MTMR3: variants seen among roughly 807,000 people sequenced by gnomAD.
MTMR3 encodes phosphatidylinositol-3,5-bisphosphate 3-phosphatase MTMR3.
Under a neutral mutation model 132.4 loss-of-function variants are expected in MTMR3, and 32 were observed. The ratio of observed to expected loss-of-function variants is 0.24; its 90% CI spans 0.18 to 0.32. MTMR3 has a LOEUF of 0.32. Ranked by LOEUF, MTMR3 falls within the 10% of genes least tolerant of loss-of-function variation. The pLI is 1.00. For synonymous variants in MTMR3, 556 were observed against 550.3 expected (o/e 1.01, Z -0.14); for missense variants, 1,216 against 1,489.6 (o/e 0.82, Z 3.02).
At chr22:30,003,081 A>G in intron 9 of MTMR3, 88 bp downstream of exon 9, 4 of 1,042,906 alleles carry the variant, frequency 3.8e-6, no homozygotes, top group Non-Finnish European at 5.9e-6. Flanking sequence ...TAACCTGGGA[A>G]GGGTGGGGAG....
chr22:29,952,539 G>A (rs1016603759), intron 1 of MTMR3, among the ~76,000 whole-genome samples: 11 of 152,018 alleles, frequency 7.2e-5, no homozygotes, highest in Non-Finnish European at 1.2e-4. Flanking sequence ...CACTAGGAGC[G>A]TTGAGCCCTG....
At chr22:30,025,200 G>A (rs1440095775) in intron 19 of MTMR3, 1 of 169,076 alleles carries the variant, frequency 5.9e-6, no homozygotes, top group Admixed American at 5.7e-5. Flanking sequence ...ACTCCCCAGT[G>A]AGGCTGGGTA....
chr22:29,987,989 T>C (rs925671833), intron 5 of MTMR3: 1 of 152,690 alleles, frequency 6.5e-6, no homozygotes, highest in Non-Finnish European at 1.5e-5. Context: ...CTAGTCTTTT[T>C]CAGGAGCCTC....
intron 9 of MTMR3, 23 bp from the exon 10 acceptor site, chr22:30,007,091 G>T (rs781698550): frequency 1.4e-5 from 23 of 1,611,902 alleles, no homozygotes; most frequent in Non-Finnish European, 2.0e-5. Context: ...GGGTACAGTT[G>T]TTGTCTCTTG....
At position 29,991,559 on chromosome 22, in the gene MTMR3, G is replaced by C. The variant is rs755138094; in HGVS notation, c.349G>C (p.Ala117Pro). ...AGAGTGGCTGAAGAGACTGAACAAC[G>C]CAATCCGACCACCTGCTAAAATAGA... ...CQEWLKRLNN[A>P]IRPPAKIEDL... Residue 117 changes from alanine (A) to proline (P), a missense_variant, in exon 7 of 20, where the codon GCA becomes CCA. Physicochemically the swap from Ala to Pro is conservative, Grantham distance 27. Coordinates refer to ENST00000401950, the MANE Select transcript of MTMR3 (RefSeq NM_021090.4). 39 of 1,613,846 alleles carry C rather than the reference G, an allele frequency of 2.4e-5. No individual in the cohort carries two copies. The highest frequency in any genetic ancestry group is 3.2e-5 in the Non-Finnish European group (38 of 1,179,964).
intron 14 of MTMR3, 104 bp from the exon 15 acceptor site, chr22:30,016,424 T>G: frequency 1.5e-6 from 2 of 1,313,130 alleles, no homozygotes; most frequent in Non-Finnish European, 2.1e-6. Context: ...ACAGAGTAAA[T>G]TGAAGTGTTC....
intron 7 of MTMR3, chr22:29,998,374 G>A (rs2067103933): frequency 6.5e-6 from 1 of 153,006 alleles, no homozygotes; most frequent in Non-Finnish European, 1.5e-5. Flanking sequence ...TGGGCGCAGT[G>A]GCTCACGCCT....
intron 1 of MTMR3, among the ~76,000 whole-genome samples, chr22:29,941,093 A>G (rs2065849025): frequency 6.7e-6 from 1 of 149,780 alleles, no homozygotes; most frequent in Non-Finnish European, 1.5e-5. Context: ...CCCTAATCCA[A>G]ACTACTATTC....
At position 30,007,918 on chromosome 22, in the gene MTMR3, G is replaced by A; in HGVS notation, c.895G>A (p.Ala299Thr). 6.2e-7 allele frequency: 1 copy of A among 1,613,654 alleles called. No individual in the cohort carries two copies. Among genetic ancestry groups the A allele is most frequent in the Non-Finnish European group, 8.5e-7 (1 of 1,179,970 alleles). ...GTCCCTAGATTCTTCTCTGTCAAAT[G>A]CTTCAGGAGCAGAGAGTTTAGCCAT... is the stretch of plus-strand genomic sequence containing the variant. The part of the protein sequence containing the change: ...DVEFDSSLSN[A>T]SGAESLAIQP... Residue 299 changes from alanine to threonine, a missense_variant, in exon 11 of 20, where the codon GCT becomes ACT. Physicochemically the swap from Ala to Thr is moderately conservative, Grantham distance 58. Around this residue, in one of 7 missense-constraint regions of MTMR3, gnomAD observed 47 missense variants for 46.8 expected, o/e 1.00. Transcript: ENST00000401950.
chr22:29,919,330 G>C (rs139159138), intron 1 of MTMR3, among the ~76,000 whole-genome samples: 4 of 152,118 alleles, frequency 2.6e-5, no homozygotes, highest in African/African-American at 7.2e-5. Flanking sequence ...GTCTTACCAT[G>C]GATTTCTCAC....
chr22:29,976,119 TG>T (rs1233258168), intron 3 of MTMR3, among the ~76,000 whole-genome samples: 2 of 117,804 alleles, frequency 1.7e-5, no homozygotes, highest in Non-Finnish European at 3.8e-5. Context: ...TTATAGTGTG[TG>T]TTTTTTTTTT....
intron 4 of MTMR3, 149 bp from the exon 5 acceptor site, chr22:29,978,787 A>C: frequency 1.5e-6 from 1 of 674,638 alleles, no homozygotes; most frequent in Non-Finnish European, 2.6e-6. Context: ...GTGGGTATAA[A>C]CCCATCCTCT....
intron 1 of MTMR3, among the ~76,000 whole-genome samples, chr22:29,928,322 C>T (rs1290721367): frequency 6.6e-6 from 1 of 151,918 alleles, no homozygotes; most frequent in Admixed American, 6.6e-5. Context: ...CAGGCGCCTG[C>T]CACCACGTCC....
At chr22:29,957,419 T>TATG (rs1358861092) in intron 2 of MTMR3, among the ~76,000 whole-genome samples, 188 of 10,702 alleles carry the variant, frequency 0.018, no homozygotes, top group African/African-American at 0.071. Context: ...CCAGTTGTAT[T>TATG]TATTTATTTA....
intron 1 of MTMR3, among the ~76,000 whole-genome samples, chr22:29,940,184 C>T (rs1040578894): frequency 7.2e-5 from 11 of 152,126 alleles, no homozygotes; most frequent in African/African-American, 4.8e-5. Context: ...AGGAGAATGG[C>T]GTGAACCCGG....
At chr22:29,953,444 T>C (rs905547736) in intron 1 of MTMR3, among the ~76,000 whole-genome samples, 5 of 152,182 alleles carry the variant, frequency 3.3e-5, no homozygotes, top group African/African-American at 1.2e-4. Context: ...TAAACAGTTC[T>C]GTGTAGGTGC....
chr22:29,909,623 G>A (rs1471829265), intron 1 of MTMR3, among the ~76,000 whole-genome samples: 1 of 152,116 alleles, frequency 6.6e-6, no homozygotes, highest in East Asian at 1.9e-4. Flanking sequence ...CTCTATACAT[G>A]TTGGCTGTTA....
At chr22:29,908,206 T>C (rs554572041) in intron 1 of MTMR3, among the ~76,000 whole-genome samples, 1 of 152,276 alleles carries the variant, frequency 6.6e-6, no homozygotes, top group Admixed American at 6.5e-5. Context: ...CGGACCTGGA[T>C]GAGAACAGCC....
chr22:29,969,358 A>G (rs2066489147), intron 2 of MTMR3, among the ~76,000 whole-genome samples: 1 of 152,114 alleles, frequency 6.6e-6, no homozygotes, highest in African/African-American at 2.4e-5. Context: ...CAGTATTTTC[A>G]AAGTATATCC....
Sources: allele counts gnomAD v4.1 joint callset (sites outside exome capture counted in the v4.1 genomes callset), GRCh38; gene constraint gnomAD v4.1.1; regional missense constraint gnomAD v4.1.1; transcripts MANE v1.5; gene names NCBI Gene and HGNC (gene_info 2026-07-23, HGNC 2026-07-21).